ZNF197: variants seen among roughly 807,000 people sequenced by gnomAD.
ZNF197 encodes the protein zinc finger protein 197, also known as VHL-associated KRAB-A domain-containing protein.
In ZNF197, 14 loss-of-function variants were observed where a neutral mutation model predicts 27.4. The observed-to-expected ratio is 0.51, with a 90% CI of 0.34 to 0.80. The LOEUF is 0.80. ZNF197 is among the 30% of genes least tolerant of loss of function. The pLI, the probability that ZNF197 is intolerant of heterozygous loss-of-function variation, is 0.02. For missense variants in ZNF197, 1,090 were observed against 1,222.6 expected, an observed-to-expected ratio of 0.89 and a Z score of 1.62; for synonymous variants, 415 against 420.0, an observed-to-expected ratio of 0.99 and a Z score of 0.15.
intron 5 of ZNF197, among the ~76,000 whole-genome samples, chr3:44,637,357 G>A (rs1439080009): frequency 6.6e-6 from 1 of 152,120 alleles, no homozygotes; most frequent in African/African-American, 2.4e-5. Flanking sequence ...TGAACTCCTG[G>A]CCTCAAGCGA....
At chr3:44,635,278 C>T (rs1702221776) in intron 5 of ZNF197, among the ~76,000 whole-genome samples, 4 of 151,740 alleles carry the variant, frequency 2.6e-5, no homozygotes, top group Non-Finnish European at 4.4e-5. Flanking sequence ...ATGTGCACTC[C>T]GATGTTGTTG....
At position 44,629,446 on chromosome 3, in the gene ZNF197, A is replaced by G; in HGVS notation, c.292A>G (p.Ile98Val). The G allele has an allele frequency of 1.2e-6, 2 of 1,613,954 alleles. No individual in the cohort carries two copies. Among genetic ancestry groups the G allele is most frequent in the Non-Finnish European group, 1.7e-6 (2 of 1,179,934 alleles). The part of the protein sequence containing the change: ...EQFLSILPGE[I>V]RTWVQLHHPG... The stretch of plus-strand genomic sequence containing the variant: ...GTTTCTGAGCATCCTGCCTGGGGAG[A>G]TTCGGACCTGGGTACAGCTCCATCA... Residue 98 changes from isoleucine (I) to valine (V), a missense_variant, in exon 2 of 6, where the codon ATT becomes GTT. By Grantham distance (29) the Ile-to-Val change is conservative. Coordinates refer to ENST00000344387, the MANE Select transcript of ZNF197 (RefSeq NM_006991.5).
At chr3:44,625,737 T>TGCGC (rs1192594099) in intron 1 of ZNF197, among the ~76,000 whole-genome samples, 20 of 124,052 alleles carry the variant, frequency 1.6e-4, no homozygotes, top group African/African-American at 6.7e-4. Flanking sequence ...TGCTGGCCTT[T>TGCGC]GCGCGCGCGC....
chr3:44,631,274 T>C, intron 3 of ZNF197, 53 bp downstream of exon 3: 6 of 1,603,872 alleles, frequency 3.7e-6, no homozygotes, highest in South Asian at 1.1e-5. Flanking sequence ...TTCCTGTGGC[T>C]CATCCCCCTA....
Position 44,645,905 on chromosome 3 carries a change from T to G in ZNF197, c.*1685T>G. On this transcript the variant is annotated 3_prime_UTR_variant, in exon 6 of 6. Transcript: ENST00000344387. ...GTGGGTTTAACTCAGTCTATATTCT[T>G]AAGTTGGTAATTTTTATGTTGTAAT... The G allele has an allele frequency of 1.0e-6, 1 of 985,476 alleles. No individual in the cohort carries two copies. Among genetic ancestry groups the G allele is most frequent in the South Asian group, 4.7e-5 (1 of 21,292 alleles). The allele number at this position is 985,476 out of a possible 1,614,324, so 61.0% of individuals were successfully genotyped here. A position where few individuals can be genotyped will look rare whatever the true frequency, so the allele number is the denominator to read the frequency against.
At chr3:44,628,565 C>T (rs780545166) in intron 1 of ZNF197, among the ~76,000 whole-genome samples, 14 of 152,124 alleles carry the variant, frequency 9.2e-5, no homozygotes, top group African/African-American at 1.7e-4. Context: ...GTTAACTCTG[C>T]GGAACATAGG....
Position 44,631,166 on chromosome 3 carries a change from T to C in ZNF197, c.495T>C (p.Ile165=). 1 of 1,614,134 alleles carries C rather than the reference T, an allele frequency of 6.2e-7. No homozygotes were observed. The highest frequency in any genetic ancestry group is 2.2e-5 in the East Asian group (1 of 44,864). Residue 165 remains isoleucine (I), a synonymous_variant, in exon 3 of 6, where the codon ATT becomes ATC. Transcript: ENST00000344387. ...VLPGSHIAAE[I]CPHPPTDLVA... ...CTGGCAGCCACATAGCAGCTGAAAT[T>C]TGCCCGCATCCTCCTACTGACCTAG... is the stretch of plus-strand genomic sequence containing the variant.
Position 44,642,103 on chromosome 3 carries a change from T to G in ZNF197, c.973T>G (p.Ser325Ala), listed in dbSNP as rs745839677. 5 of 1,614,044 alleles carry G rather than the reference T, an allele frequency of 3.1e-6. No homozygotes were observed. In the South Asian group the frequency reaches 5.5e-5, roughly 18 times the overall value. ...AAGGGCAGATACAGTGAAGAAAGTT[T>G]CCCTTTGTGAACGAGACAAGAAGAA... ...DERADTVKKV[S>A]LCERDKKKRT... The change falls in exon 6 of 6, where the codon TCC becomes GCC. Residue 325 changes from serine to alanine, a missense_variant. Coordinates refer to ENST00000344387, the MANE Select transcript of ZNF197 (RefSeq NM_006991.5).
rs1703084863 is a variant in ZNF197, at chr3:44,648,374, T to G, written c.*4154T>G. The G allele has an allele frequency of 6.6e-6, 1 of 152,230 alleles. No individual in the cohort carries two copies. Among genetic ancestry groups the G allele is most frequent in the African/African-American group, 2.4e-5 (1 of 41,460 alleles). The allele number at this position is 152,230 out of a possible 1,614,324, so 9.4% of individuals were successfully genotyped here. On this transcript the variant is annotated 3_prime_UTR_variant, in exon 6 of 6. Transcript: ENST00000344387. Reference sequence around the variant, plus strand: ...CAGGCAAACATAGCAAAATGTTCATTGTTGAGTCCACATGGAAAATACGGG... The same window carrying G: ...CAGGCAAACATAGCAAAATGTTCATGGTTGAGTCCACATGGAAAATACGGG...
chr3:44,631,179 C>G lies in ZNF197; in HGVS notation c.508C>G (p.Pro170Ala). 1 of 1,614,166 alleles carries G rather than the reference C, an allele frequency of 6.2e-7. No homozygotes were observed. The highest frequency in any genetic ancestry group is 1.1e-5 in the South Asian group (1 of 91,084). Residue 170 changes from proline to alanine, a missense_variant, in exon 3 of 6, where the codon CCT becomes GCT. Transcript: ENST00000344387. ...HIAAEICPHP[P>A]TDLVAFNLQD... ...AGCAGCTGAAATTTGCCCGCATCCT[C>G]CTACTGACCTAGTGGCATTCAACCT...
chr3:44,636,675 C>T (rs1320592690), intron 5 of ZNF197, among the ~76,000 whole-genome samples: 1 of 152,060 alleles, frequency 6.6e-6, no homozygotes, highest in Non-Finnish European at 1.5e-5. Context: ...CTGCTATGAA[C>T]GTTTGTGTAT....
rs548248518 is a variant in ZNF197 at position 44,629,692 on chromosome 3, A to G, written c.390+148A>G. 94 of 1,109,820 alleles carry G rather than the reference A, an allele frequency of 8.5e-5. No individual in the cohort carries two copies. The African/African-American group carries it at 1.3e-3, about 16-fold the overall frequency. 68.7% of individuals were successfully genotyped at this position (1,109,820 alleles called of 1,614,324 possible). A position where few individuals can be genotyped will look rare whatever the true frequency, so the allele number is the denominator to read the frequency against. ...CCTTAATGATAATTAAAGCAGGTCC[A>G]TGAGTATTCAGACCATAGAATATGT... On this transcript the variant is annotated intron_variant, in intron 2 of 5. Transcript: ENST00000344387.
chr3:44,635,797 A>G (rs1468333574), intron 5 of ZNF197, among the ~76,000 whole-genome samples: 1 of 152,196 alleles, frequency 6.6e-6, no homozygotes, highest in East Asian at 1.9e-4. Context: ...AGGGTGCATA[A>G]GTTTGTGTGA....
At position 44,644,661 on chromosome 3, in the gene ZNF197, A is replaced by G. The variant is rs926592112; in HGVS notation, c.*441A>G. 2.4e-5 allele frequency: 24 copies of G among 987,112 alleles called. No homozygotes were observed. The highest frequency in any genetic ancestry group is 1.2e-4 in the Admixed American group (2 of 16,518). The allele number at this position is 987,112 out of a possible 1,614,324, so 61.1% of individuals were successfully genotyped here. A position where few individuals can be genotyped will look rare whatever the true frequency, so the allele number is the denominator to read the frequency against. On this transcript the variant is annotated 3_prime_UTR_variant, in exon 6 of 6. Coordinates refer to ENST00000344387, the MANE Select transcript of ZNF197 (RefSeq NM_006991.5). ...GTCTGAAAAAATAAAGTTCATCCCA[A>G]CTTTCAAGTCTACAAAAACATAATC... is the stretch of plus-strand genomic sequence containing the variant.
At position 44,642,226 on chromosome 3, in the gene ZNF197, G is replaced by A. The variant is rs1702647173; in HGVS notation, c.1096G>A (p.Gly366Arg). ...AISESLIGTE[G>R]KKFYKCDMCC... ...TTCTGAAAGTTTAATAGGTACTGAAGGAAAGAAGTTTTATAAATGTGATAT... is the reference window on the plus strand; with the variant it reads ...TTCTGAAAGTTTAATAGGTACTGAAAGAAAGAAGTTTTATAAATGTGATAT... The change falls in exon 6 of 6, where the codon GGA becomes AGA. Residue 366 changes from glycine to arginine, a missense_variant. Physicochemically the swap from Gly to Arg is moderately radical, Grantham distance 125. Transcript: ENST00000344387. The A allele has an allele frequency of 6.2e-7, 1 of 1,613,932 alleles. No homozygotes were observed. The highest frequency in any genetic ancestry group is 1.7e-5 in the Admixed American group (1 of 59,996).
rs1469773094 is a variant in ZNF197 at position 44,645,902 on chromosome 3, T to C, written c.*1682T>C. ...TTTGTGGGTTTAACTCAGTCTATAT[T>C]CTTAAGTTGGTAATTTTTATGTTGT... On this transcript the variant is annotated 3_prime_UTR_variant, in exon 6 of 6. Transcript: ENST00000344387. 10 of 985,346 alleles carry C rather than the reference T, an allele frequency of 1.0e-5. No homozygotes were observed. Among genetic ancestry groups the C allele is most frequent in the Non-Finnish European group, 1.2e-5 (10 of 829,938 alleles). The allele number at this position is 985,346 out of a possible 1,614,324, so 61.0% of individuals were successfully genotyped here.
chr3:44,631,273 C>T, intron 3 of ZNF197, 52 bp downstream of exon 3: 1 of 1,603,344 alleles, frequency 6.2e-7, no homozygotes, highest in Non-Finnish European at 8.5e-7. Flanking sequence ...CTTCCTGTGG[C>T]TCATCCCCCT....
Position 44,631,144 on chromosome 3 carries a change from G to C in ZNF197, c.473G>C (p.Gly158Ala), listed in dbSNP as rs769144519. 2 of 1,614,110 alleles carry C rather than the reference G, an allele frequency of 1.2e-6. No individual in the cohort carries two copies. Among genetic ancestry groups the C allele is most frequent in the South Asian group, 2.2e-5 (2 of 91,086 alleles). ...PGTTLPPVLP[G>A]SHIAAEICPH... ...ACAACACTTCCTCCTGTACTTCCTGGCAGCCACATAGCAGCTGAAATTTGC... is the reference window on the plus strand; with the variant it reads ...ACAACACTTCCTCCTGTACTTCCTGCCAGCCACATAGCAGCTGAAATTTGC... The change falls in exon 3 of 6, where the codon GGC becomes GCC. Residue 158 changes from glycine (G) to alanine (A), a missense_variant. Gly to Ala is a moderately conservative substitution (Grantham distance 60, BLOSUM62 0). Coordinates refer to ENST00000344387, the MANE Select transcript of ZNF197 (RefSeq NM_006991.5).
At chr3:44,627,473 C>T (rs188578662) in intron 1 of ZNF197, among the ~76,000 whole-genome samples, 135 of 152,238 alleles carry the variant, frequency 8.9e-4, no homozygotes, top group Non-Finnish European at 2.9e-5. Flanking sequence ...GAGTTTCTTT[C>T]TTCCTGGAAT....
Sources: gnomAD v4.1 joint callset for allele counts (sites outside exome capture counted in the v4.1 genomes callset) on GRCh38, gnomAD v4.1.1 for gene constraint, MANE v1.5 for transcripts, NCBI Gene and HGNC (gene_info 2026-07-23, HGNC 2026-07-21) for gene names.